LRP6: variants seen among roughly 807,000 people sequenced by gnomAD.
LRP6 encodes low-density lipoprotein receptor-related protein 6.
Under a neutral mutation model 184.1 loss-of-function variants are expected in LRP6, and 43 were observed. That is an observed-to-expected ratio of 0.23 (90% CI 0.18 to 0.30). The LOEUF (loss-of-function observed/expected upper bound fraction) is 0.30, where lower values mean the gene tolerates loss of function less well. Ranked by LOEUF, LRP6 falls within the 10% of genes least tolerant of loss-of-function variation. LRP6 has a pLI of 1.00. For synonymous variants in LRP6, 719 were observed against 684.9 expected, an observed-to-expected ratio of 1.05 and a Z score of -0.78; for missense variants, 1,571 against 2,005.3, an observed-to-expected ratio of 0.78 and a Z score of 4.14.
intron 7 of LRP6, among the ~76,000 whole-genome samples, chr12:12,176,001 C>T (rs73291575): frequency 0.042 from 6,119 of 145,462 alleles, 398 homozygotes; most frequent in African/African-American, 0.15. Context: ...GTGCAACAAA[C>T]GTTTTCAGCA....
chr12:12,117,762 A>G lies in LRP6; in HGVS notation c.*3364T>C, dbSNP rs537691429. 2.0e-5 allele frequency: 3 copies of G among 152,364 alleles called. No homozygotes were observed. The highest frequency in any genetic ancestry group is 7.2e-5 in the African/African-American group (3 of 41,594). The allele number at this position is 152,364 out of a possible 1,614,324, so 9.4% of individuals were successfully genotyped here. A position where few individuals can be genotyped will look rare whatever the true frequency, so the allele number is the denominator to read the frequency against. On this transcript the variant is annotated 3_prime_UTR_variant, in exon 23 of 23. Transcript: ENST00000261349. ...TTAATAGGGCTTTATAGCAAAAGAA[A>G]AAGATGATCCTCCAAAACTGCTACC... is the stretch of plus-strand genomic sequence containing the variant.
chr12:12,195,600 T>C (rs562167606), intron 3 of LRP6, among the ~76,000 whole-genome samples: 8 of 152,328 alleles, frequency 5.3e-5, no homozygotes, highest in African/African-American at 1.7e-4. Context: ...ATTAATCCCA[T>C]GTCAGATGAG....
chr12:12,133,148 A>C (rs1949781056), intron 17 of LRP6, among the ~76,000 whole-genome samples: 1 of 152,214 alleles, frequency 6.6e-6, no homozygotes, highest in Non-Finnish European at 1.5e-5. Flanking sequence ...ACGTCCTTAA[A>C]GCAGTTTGAA....
intron 2 of LRP6, among the ~76,000 whole-genome samples, chr12:12,223,620 C>T (rs1431240340): frequency 6.6e-6 from 1 of 152,088 alleles, no homozygotes; most frequent in Non-Finnish European, 1.5e-5. Flanking sequence ...AAATCAAATG[C>T]TAAAAATATT....
rs149714445 is a variant in LRP6, at chr12:12,215,487, G to A, written c.450-12087C>T. ...GTTGCCCAAACTGGAGTGCAATAGCGCGATCTCGGCTCACTGCAACCTCTG... is the reference window on the plus strand; with the variant it reads ...GTTGCCCAAACTGGAGTGCAATAGCACGATCTCGGCTCACTGCAACCTCTG... On this transcript the variant is annotated intron_variant, in intron 2 of 22. Coordinates refer to ENST00000261349, the MANE Select transcript of LRP6 (RefSeq NM_002336.3). Among the ~76,000 whole-genome samples, 1,345 of 151,630 alleles carry A rather than the reference G, an allele frequency of 8.9e-3. 11 individuals are homozygous for A. The highest frequency in any genetic ancestry group is 0.014 in the Middle Eastern group (4 of 294).
intron 1 of LRP6, among the ~76,000 whole-genome samples, chr12:12,246,166 G>A (rs575629570): frequency 3.3e-4 from 50 of 151,430 alleles, no homozygotes; most frequent in Non-Finnish European, 6.2e-4. Flanking sequence ...CTATGGGTCC[G>A]GCTAATTTTT....
At chr12:12,256,099 C>T (rs1446547852) in intron 1 of LRP6, among the ~76,000 whole-genome samples, 2 of 152,100 alleles carry the variant, frequency 1.3e-5, no homozygotes, top group African/African-American at 2.4e-5. Context: ...ATTTATAAAA[C>T]GAAGGAGTTG....
chr12:12,202,660 A>G (rs1430821448), intron 3 of LRP6, among the ~76,000 whole-genome samples: 2 of 152,270 alleles, frequency 1.3e-5, no homozygotes, highest in Non-Finnish European at 2.9e-5. Context: ...CGGAGATCAT[A>G]AGCCTAAAAT....
chr12:12,174,628 T>C (rs137984511), intron 7 of LRP6, among the ~76,000 whole-genome samples: 5 of 152,306 alleles, frequency 3.3e-5, no homozygotes, highest in Non-Finnish European at 5.9e-5. Flanking sequence ...AAGGCTAAGA[T>C]ACCAGACAAA....
chr12:12,234,432 A>G (rs533953097), intron 2 of LRP6, among the ~76,000 whole-genome samples: 119 of 152,294 alleles, frequency 7.8e-4, no homozygotes, highest in Non-Finnish European at 1.2e-3. Context: ...CCTGGGCGAC[A>G]GAGTGAGACT....
chr12:12,259,980 G>T (rs894421365), intron 1 of LRP6, among the ~76,000 whole-genome samples: 1 of 152,162 alleles, frequency 6.6e-6, no homozygotes, highest in Non-Finnish European at 1.5e-5. Context: ...AAATTATTTT[G>T]CCCATGCTTA....
intron 17 of LRP6, among the ~76,000 whole-genome samples, chr12:12,132,962 C>T (rs1220533501): frequency 6.6e-6 from 1 of 152,086 alleles, no homozygotes; most frequent in Non-Finnish European, 1.5e-5. Context: ...GAACCCATAA[C>T]CTTATGATGT....
chr12:12,264,863 C>G (rs1203483726), intron 1 of LRP6, among the ~76,000 whole-genome samples: 1 of 152,222 alleles, frequency 6.6e-6, no homozygotes, highest in Non-Finnish European at 1.5e-5. Flanking sequence ...CTTCTGAAAA[C>G]TTTGCTAGTG....
intron 2 of LRP6, among the ~76,000 whole-genome samples, chr12:12,204,298 A>G (rs951451274): frequency 1.1e-3 from 146 of 130,260 alleles, no homozygotes; most frequent in Middle Eastern, 4.8e-3. Context: ...AAAAAAAAAA[A>G]GGAGGGGGGG....
At chr12:12,198,646 G>A (rs561350216) in intron 3 of LRP6, among the ~76,000 whole-genome samples, 4 of 146,172 alleles carry the variant, frequency 2.7e-5, no homozygotes, top group African/African-American at 1.0e-4. Context: ...CGATTCTACT[G>A]CCTCAGCCTC....
intron 1 of LRP6, among the ~76,000 whole-genome samples, chr12:12,256,748 G>C (rs1045000192): frequency 6.6e-6 from 1 of 152,338 alleles, no homozygotes; most frequent in South Asian, 2.1e-4. Flanking sequence ...AGAGGTTGCA[G>C]TGAGCAGAGA....
intron 13 of LRP6, among the ~76,000 whole-genome samples, chr12:12,149,803 A>G (rs1305622912): frequency 6.6e-6 from 1 of 152,204 alleles, no homozygotes; most frequent in Non-Finnish European, 1.5e-5. Flanking sequence ...TTTTTTTACA[A>G]TAAAGTCAAG....
At chr12:12,125,483 G>T (rs1949660828) in intron 20 of LRP6, 51 bp from the exon 21 acceptor site, 2 of 1,511,056 alleles carry the variant, frequency 1.3e-6, no homozygotes, top group East Asian at 2.3e-5. Context: ...ATATAAAAAT[G>T]TATCAAGCAA....
chr12:12,245,219 T>C (rs1865156088), intron 1 of LRP6, among the ~76,000 whole-genome samples: 1 of 152,108 alleles, frequency 6.6e-6, no homozygotes, highest in East Asian at 1.9e-4. Context: ...GGCTAATGGA[T>C]AAAAAACTGT....
Sources: allele counts gnomAD v4.1 joint callset (sites outside exome capture counted in the v4.1 genomes callset), GRCh38; gene constraint gnomAD v4.1.1; transcripts MANE v1.5; gene names NCBI Gene and HGNC (gene_info 2026-07-23, HGNC 2026-07-21).